Variants in CCDC183 observed in about 807,000 individuals in gnomAD.
CCDC183 encodes the protein coiled-coil domain containing 183.
In CCDC183, 63 loss-of-function variants were observed where a neutral mutation model predicts 65.2. The observed-to-expected ratio is 0.97, with a 90% CI of 0.79 to 1.19. The LOEUF is 1.19. CCDC183 is among the 50% of genes most tolerant of loss of function. CCDC183 has a pLI of 0.00. For synonymous variants in CCDC183, 323 were observed against 276.5 expected, an observed-to-expected ratio of 1.17 and a Z score of -1.67; for missense variants, 769 against 689.3, an observed-to-expected ratio of 1.12 and a Z score of -1.30.
chr9:136,805,380 G>C lies in CCDC183; in HGVS notation c.871G>C (p.Ala291Pro). 1 of 1,613,806 alleles carries C rather than the reference G, an allele frequency of 6.2e-7. No individual in the cohort carries two copies. Among genetic ancestry groups the C allele is most frequent in the Non-Finnish European group, 8.5e-7 (1 of 1,179,898 alleles). Reference sequence around the variant, plus strand: ...AGTGAGGAGAAAAGAGACCTCCACAGCAGAAATGGAATACCAGTCGGGCGT... The same window carrying C: ...AGTGAGGAGAAAAGAGACCTCCACACCAGAAATGGAATACCAGTCGGGCGT... ...LKLRRKETST[A>P]EMEYQSGVTA... Residue 291 changes from alanine to proline, a missense_variant, in exon 9 of 14, where the codon GCA becomes CCA. Transcript: ENST00000338005.
intron 8 of CCDC183, 38 bp from the exon 9 acceptor site, chr9:136,805,319 C>T (rs780661888): frequency 2.6e-6 from 4 of 1,549,600 alleles, no homozygotes; most frequent in Non-Finnish European, 3.5e-6. Context: ...CCTGAGCCAT[C>T]CCTGCATGCT....
At position 136,807,669 on chromosome 9, in the gene CCDC183, G is replaced by T; in HGVS notation, c.1584G>T (p.Ala528=). ...GGCTAATCGAGGGGAAGCTCAAGGC[G>T]GCCAAGAAAAAGAAGAAGTAGCCCC... The part of the protein sequence containing the change: ...AQRLIEGKLK[A]AKKKKK Residue 528 remains alanine (A), a synonymous_variant, in exon 14 of 14, where the codon GCG becomes GCT. Transcript: ENST00000338005. 6.2e-7 allele frequency: 1 copy of T among 1,603,034 alleles called. No homozygotes were observed. Among genetic ancestry groups the T allele is most frequent in the Non-Finnish European group, 8.5e-7 (1 of 1,175,142 alleles).
chr9:136,799,131 G>A lies in CCDC183; in HGVS notation c.100G>A (p.Val34Met), dbSNP rs770970169. 3 of 1,613,384 alleles carry A rather than the reference G, an allele frequency of 1.9e-6. No individual in the cohort carries two copies. The highest frequency in any genetic ancestry group is 1.3e-5 in the African/African-American group (1 of 74,944). The change falls in exon 2 of 14, where the codon GTG (valine) becomes ATG (methionine). Residue 34 changes from valine (V) to methionine (M), a missense_variant. Transcript: ENST00000338005. The stretch of plus-strand genomic sequence containing the variant: ...GTGTCGGGCACTCCAGATCCAAGGG[G>A]TGAAAGAGAATATGGACCAGAACAA... ...EQCRALQIQG[V>M]KENMDQNKAT...
At position 136,807,049 on chromosome 9, in the gene CCDC183, G is replaced by A. The variant is rs149593497; in HGVS notation, c.1469G>A (p.Arg490Gln). The A allele has an allele frequency of 1.8e-3, 2,842 of 1,613,258 alleles. 45 individuals carry two copies. In the African/African-American group the frequency reaches 0.033, roughly 19 times the overall value. The change falls in exon 13 of 14, where the codon CGG becomes CAG. Residue 490 changes from arginine to glutamine, a missense_variant. By Grantham distance (43) the Arg-to-Gln change is conservative (BLOSUM62 1). Transcript: ENST00000338005. ...AACACCAGGATCAGCTTTGAGAACC[G>A]GGAGGAGGATATGATCGGTACAGGC... ...KYNTRISFENREEDMIDTFQF... is the reference protein window; with the variant it reads ...KYNTRISFENQEEDMIDTFQF...
intron 1 of CCDC183, among the ~76,000 whole-genome samples, chr9:136,798,659 C>T (rs149426282): frequency 1.6e-4 from 24 of 152,274 alleles, no homozygotes; most frequent in African/African-American, 4.6e-4. Context: ...GACCCCCCTA[C>T]TGCCCACTCC....
intron 10 of CCDC183, 88 bp downstream of exon 10, chr9:136,806,326 C>A: frequency 7.0e-7 from 1 of 1,434,042 alleles, no homozygotes; most frequent in Non-Finnish European, 9.5e-7. Flanking sequence ...GGGAGTATAC[C>A]CACTGCCAAC....
In CCDC183 at chr9:136,804,791, C is replaced by A; in HGVS notation, c.822C>A (p.Asn274Lys). 2 of 1,613,860 alleles carry A rather than the reference C, an allele frequency of 1.2e-6. No homozygotes were observed. Among genetic ancestry groups the A allele is most frequent in the Non-Finnish European group, 8.5e-7 (1 of 1,179,958 alleles). The change falls in exon 8 of 14, where the codon AAC (asparagine) becomes AAA (lysine). Residue 274 changes from asparagine to lysine, a missense_variant. Physicochemically the swap from Asn to Lys is moderately conservative, Grantham distance 94 (BLOSUM62 0). Transcript: ENST00000338005. This position sits in a 1 kb window ranked among gnomAD's most constrained non-coding sequence, Gnocchi z 4.1. ...RGQMDLDFPS[N>K]LMSTETLKLR... is the part of the protein sequence containing the mutation. ...AGATGGACTTGGACTTCCCCTCGAA[C>A]CTGATGAGCACGGAGACCCTGAAAT... is the stretch of plus-strand genomic sequence containing the variant.
In CCDC183 at chr9:136,796,364, TAC is replaced by T. The variant is rs1738034467; in HGVS notation, c.-30_-29del. The T allele has an allele frequency of 2.1e-6, 3 of 1,452,124 alleles. No individual in the cohort carries two copies. Among genetic ancestry groups the T allele is most frequent in the Non-Finnish European group, 2.9e-6 (3 of 1,050,378 alleles). 90.0% of individuals were successfully genotyped at this position (1,452,124 alleles called of 1,614,324 possible). A position where few individuals can be genotyped will look rare whatever the true frequency, so the allele number is the denominator to read the frequency against. On this transcript the variant is annotated 5_prime_UTR_variant, in exon 1 of 14. Transcript: ENST00000338005. The stretch of plus-strand genomic sequence containing the variant: ...AGCTGAGCCCAGGGAGGCTTTGAGG[TAC>T]ACAGGGTCCCTTGGGGGGCCTGAGA...
intron 6 of CCDC183, among the ~76,000 whole-genome samples, chr9:136,803,451 T>C (rs1847783926): frequency 6.6e-6 from 1 of 151,422 alleles, no homozygotes; most frequent in Admixed American, 6.6e-5. Flanking sequence ...AGCCATGAAG[T>C]AGAGGAGAGG....
intron 12 of CCDC183, 37 bp from the exon 13 acceptor site, chr9:136,806,931 CAG>C (rs773512289): frequency 1.1e-5 from 18 of 1,613,454 alleles, no homozygotes; most frequent in South Asian, 3.3e-5. Context: ...GGCTCCCGTT[CAG>C]AGTGTCTGCA....
rs1277387223 is a variant in CCDC183, at chr9:136,802,678, C to T, written c.558C>T (p.Tyr186=). Residue 186 remains tyrosine, a synonymous_variant, in exon 6 of 14, where the codon TAC becomes TAT. Transcript: ENST00000338005. The part of the protein sequence containing the change: ...LDYLKTVLAG[Y]PIELDKLQNL... Reference sequence around the variant, plus strand: ...ATTCAACACAGGTGCTGGCAGGATACCCCATTGAGCTGGACAAGCTGCAGA... The same window carrying T: ...ATTCAACACAGGTGCTGGCAGGATATCCCATTGAGCTGGACAAGCTGCAGA... 1.2e-6 allele frequency: 2 copies of T among 1,612,118 alleles called. No homozygotes were observed. Among genetic ancestry groups the T allele is most frequent in the South Asian group, 2.2e-5 (2 of 90,904 alleles).
chr9:136,803,493 C>G (rs1332705028), intron 6 of CCDC183, among the ~76,000 whole-genome samples: 1 of 152,158 alleles, frequency 6.6e-6, no homozygotes, highest in East Asian at 1.9e-4. Flanking sequence ...GCGGGGGTCA[C>G]CTATTCACCC....
rs1395656585 is a variant in CCDC183, at chr9:136,807,339, G to A, written c.1487-233G>A. On this transcript the variant is annotated intron_variant, in intron 13 of 13. Coordinates refer to ENST00000338005, the MANE Select transcript of CCDC183 (RefSeq NM_001039374.5). ...AGAGGCACCAGGGCTGGAGCAGGGA[G>A]GAGCGCGGTGAAGGCCTGGGCCGGA... is the stretch of plus-strand genomic sequence containing the variant. The A allele has an allele frequency of 1.4e-5, 9 of 661,984 alleles. No homozygotes were observed. The Admixed American group carries it at 1.5e-4, about 11-fold the overall frequency. The allele number at this position is 661,984 out of a possible 1,614,324, so 41.0% of individuals were successfully genotyped here. A position where few individuals can be genotyped will look rare whatever the true frequency, so the allele number is the denominator to read the frequency against.
In CCDC183 at chr9:136,807,570, A is replaced by T. The variant is rs767037538; in HGVS notation, c.1487-2A>T. 6.2e-7 allele frequency: 1 copy of T among 1,600,528 alleles called. No homozygotes were observed. The highest frequency in any genetic ancestry group is 8.5e-7 in the Non-Finnish European group (1 of 1,174,508). On this transcript the variant is annotated splice_acceptor_variant, in intron 13 of 13. Transcript: ENST00000338005. LOFTEE classifies it high-confidence loss of function. The stretch of plus-strand genomic sequence containing the variant: ...TGTGCGAGCCGCCGCCTCCGCCCGC[A>T]GACACCTTCCAGTTCCCCGACATGG...
chr9:136,807,682 A>G lies in CCDC183; in HGVS notation c.1597A>G (p.Lys533Glu). 1 of 1,600,514 alleles carries G rather than the reference A, an allele frequency of 6.2e-7. No individual in the cohort carries two copies. The highest frequency in any genetic ancestry group is 8.5e-7 in the Non-Finnish European group (1 of 1,173,806). Residue 533 changes from lysine (K) to glutamate (E), a missense_variant, in exon 14 of 14, where the codon AAG becomes GAG. Coordinates refer to ENST00000338005, the MANE Select transcript of CCDC183 (RefSeq NM_001039374.5). ...GAAGCTCAAGGCGGCCAAGAAAAAG[A>G]AGAAGTAGCCCCGCCGCCCCGCTCC... ...EGKLKAAKKK[K>E]K
rs921110027 is a variant in CCDC183, at chr9:136,800,189, A to T, written c.438+20A>T. The T allele has an allele frequency of 6.0e-5, 13 of 217,342 alleles. No individual in the cohort carries two copies. Among genetic ancestry groups the T allele is most frequent in the Middle Eastern group, 1.2e-3 (1 of 854 alleles). The allele number at this position is 217,342 out of a possible 1,614,324, so 13.5% of individuals were successfully genotyped here. A position where few individuals can be genotyped will look rare whatever the true frequency, so the allele number is the denominator to read the frequency against. On this transcript the variant is annotated intron_variant, in intron 4 of 13. Transcript: ENST00000338005. ...CTGCAGGTGGAGAGGCGGGGCTGGG[A>T]GGGCGGGGCGGAGTCCACTGGGGCA...
At chr9:136,800,279 G>T (rs964563175) in intron 4 of CCDC183, 110 bp downstream of exon 4, 1 of 1,433,388 alleles carries the variant, frequency 7.0e-7, no homozygotes, top group Non-Finnish European at 9.4e-7. Context: ...GAGGGCTCAC[G>T]GGAGGGGCGG....
At chr9:136,802,808 GGGGGCCCCCC>G in intron 6 of CCDC183, 22 bp downstream of exon 6, 1 of 1,534,690 alleles carries the variant, frequency 6.5e-7, no homozygotes. Flanking sequence ...GCCCAGGGCT[GGGGGCCCCCC>G]AGGGCCAGCC....
At chr9:136,800,519 GGGGGTCAGGGGCT>G (rs1564348801) in intron 5 of CCDC183, 26 bp downstream of exon 5, 2 of 1,535,086 alleles carry the variant, frequency 1.3e-6, no homozygotes, top group Non-Finnish European at 1.8e-6. Flanking sequence ...CGGGAAGGGC[GGGGGTCAGGGGCT>G]GGGATCTGGG....
Sources: gnomAD v4.1 joint callset for allele counts (sites outside exome capture counted in the v4.1 genomes callset) on GRCh38, gnomAD v4.1.1 for gene constraint, Gnocchi (gnomAD v3.1) non-coding constraint, MANE v1.5 for transcripts, NCBI Gene and HGNC (gene_info 2026-07-23, HGNC 2026-07-21) for gene names.